RBMS3: variants seen among roughly 807,000 people sequenced by gnomAD.
RBMS3 encodes the protein RNA binding motif single stranded interacting protein 3, also known as RNA-binding motif, single-stranded-interacting protein 3.
RBMS3 carries 27 observed loss-of-function variants against 66.8 expected under a neutral mutation model. The ratio of observed to expected loss-of-function variants is 0.40; its 90% CI spans 0.30 to 0.56. RBMS3 has a LOEUF of 0.56. Among genes scored for constraint, RBMS3 ranks in the 20% least tolerant of loss-of-function variants. The probability of loss-of-function intolerance (pLI) is 0.40; values close to 1 mark genes in which losing one functional copy is unlikely to be tolerated. For missense variants in RBMS3, 513 were observed against 549.5 expected (o/e 0.93, Z 0.66); for synonymous variants, 188 against 183.0 (o/e 1.03, Z -0.22).
At position 29,300,942 on chromosome 3, in the gene RBMS3, A is replaced by G. The variant is rs144336797; in HGVS notation, c.75+19186A>G. 4.6e-5 allele frequency among the ~76,000 whole-genome samples: 7 copies of G among 152,136 alleles called. No homozygotes were observed. The East Asian group carries it at 1.4e-3, about 30-fold the overall frequency. On this transcript the variant is annotated intron_variant, in intron 1 of 14. Transcript: ENST00000383767. ...CATTTAGGAAATCAAGGTAACCCTG[A>G]GTAAGTATAGATAGGGAAGCACAAA...
intron 6 of RBMS3, among the ~76,000 whole-genome samples, chr3:29,812,588 T>A (rs192198321): frequency 3.9e-5 from 6 of 152,302 alleles, no homozygotes; most frequent in Non-Finnish European, 7.4e-5. Flanking sequence ...TGTGTTGGGA[T>A]CCAGTCTGCC....
intron 7 of RBMS3, among the ~76,000 whole-genome samples, chr3:29,883,921 C>A (rs2059795698): frequency 6.6e-6 from 1 of 151,916 alleles, no homozygotes; most frequent in Non-Finnish European, 1.5e-5. Context: ...TGGAAATCAT[C>A]CAAGCTGCAT....
chr3:29,287,524 A>G (rs1019148953), intron 1 of RBMS3, among the ~76,000 whole-genome samples: 9 of 152,050 alleles, frequency 5.9e-5, no homozygotes, highest in African/African-American at 2.2e-4. Context: ...TGGAAATATG[A>G]TGCTCTTCAG....
At chr3:29,934,553 AG>A (rs2061216429) in intron 10 of RBMS3, among the ~76,000 whole-genome samples, 2 of 152,162 alleles carry the variant, frequency 1.3e-5, no homozygotes, top group South Asian at 4.1e-4. Flanking sequence ...ATTAAGTAAA[AG>A]CTTATCTTAT....
chr3:29,911,031 T>C (rs927497496), intron 10 of RBMS3, among the ~76,000 whole-genome samples: 3 of 152,050 alleles, frequency 2.0e-5, no homozygotes, highest in Non-Finnish European at 4.4e-5. Context: ...TCTAATATGT[T>C]CATCTATGGT....
chr3:29,670,023 T>C (rs935195480), intron 4 of RBMS3, among the ~76,000 whole-genome samples: 3 of 152,364 alleles, frequency 2.0e-5, no homozygotes, highest in Middle Eastern at 3.4e-3. Context: ...TATTAGCTTC[T>C]GATCTCTTTT....
At chr3:29,318,503 C>T (rs2034824439) in intron 1 of RBMS3, among the ~76,000 whole-genome samples, 1 of 151,848 alleles carries the variant, frequency 6.6e-6, no homozygotes, top group Non-Finnish European at 1.5e-5. Context: ...ATGCAAGGTC[C>T]TTACTGTTTT....
At chr3:29,419,377 T>G (rs2040610236) in intron 1 of RBMS3, among the ~76,000 whole-genome samples, 1 of 152,194 alleles carries the variant, frequency 6.6e-6, no homozygotes, top group Admixed American at 6.5e-5. Context: ...ATATTATCAT[T>G]GAATTTATCT....
At chr3:29,674,414 C>A (rs188587906) in intron 4 of RBMS3, among the ~76,000 whole-genome samples, 9 of 151,996 alleles carry the variant, frequency 5.9e-5, no homozygotes, top group Non-Finnish European at 1.3e-4. Flanking sequence ...GGTAATCAGG[C>A]GGGAGAAAGA....
chr3:30,003,306 G>A (rs944378958), intron 14 of RBMS3, among the ~76,000 whole-genome samples: 10 of 151,890 alleles, frequency 6.6e-5, no homozygotes, highest in African/African-American at 2.4e-4. Flanking sequence ...CTGCCTAAAG[G>A]GTAAAGGGTA....
At chr3:29,431,296 C>CTTTTTT (rs1375213536) in intron 1 of RBMS3, among the ~76,000 whole-genome samples, 6 of 94,762 alleles carry the variant, frequency 6.3e-5, no homozygotes, top group East Asian at 3.9e-4. Flanking sequence ...TTTCTTTTTC[C>CTTTTTT]TTTTCTTTTT....
At chr3:29,411,393 T>TA (rs1038159459) in intron 1 of RBMS3, among the ~76,000 whole-genome samples, 8 of 152,198 alleles carry the variant, frequency 5.3e-5, no homozygotes, top group Non-Finnish European at 1.2e-4. Context: ...AAACAATGTA[T>TA]AAAGACATCT....
At chr3:29,913,277 C>A (rs894132253) in intron 10 of RBMS3, among the ~76,000 whole-genome samples, 8 of 151,898 alleles carry the variant, frequency 5.3e-5, no homozygotes, top group African/African-American at 1.9e-4. Context: ...TTCTATCTTA[C>A]AATAATTACT....
chr3:29,398,091 T>C (rs1261084559), intron 1 of RBMS3, among the ~76,000 whole-genome samples: 2 of 152,172 alleles, frequency 1.3e-5, no homozygotes, highest in Non-Finnish European at 2.9e-5. Context: ...CCCAGATTCC[T>C]TCTTTACAAC....
At chr3:29,902,389 A>G (rs1358315984) in intron 10 of RBMS3, among the ~76,000 whole-genome samples, 2 of 151,860 alleles carry the variant, frequency 1.3e-5, no homozygotes, top group African/African-American at 2.4e-5. Context: ...AGTTGAAAGT[A>G]AGCAACTTTG....
chr3:29,617,634 T>C (rs2048715236), intron 4 of RBMS3, among the ~76,000 whole-genome samples: 1 of 152,214 alleles, frequency 6.6e-6, no homozygotes, highest in Non-Finnish European at 1.5e-5. Flanking sequence ...AATCCCATGA[T>C]GTTCCAGGCA....
chr3:29,481,794 T>G (rs925508591), intron 2 of RBMS3, among the ~76,000 whole-genome samples: 10 of 152,166 alleles, frequency 6.6e-5, no homozygotes, highest in Non-Finnish European at 1.2e-4. Flanking sequence ...TATCAAATGG[T>G]CATTAGATAC....
At chr3:29,921,217 C>A (rs2060769983) in intron 10 of RBMS3, among the ~76,000 whole-genome samples, 1 of 151,880 alleles carries the variant, frequency 6.6e-6, no homozygotes, top group African/African-American at 2.4e-5. Context: ...CGCCCGCCAC[C>A]ACGCCTGGCT....
chr3:29,449,267 G>GTA (rs892345211), intron 2 of RBMS3, among the ~76,000 whole-genome samples: 14 of 152,222 alleles, frequency 9.2e-5, no homozygotes, highest in Admixed American at 5.9e-4. Context: ...ATAGTGTTAT[G>GTA]TCTAGTTTGG....
Sources: allele counts gnomAD v4.1 joint callset (sites outside exome capture counted in the v4.1 genomes callset), GRCh38; gene constraint gnomAD v4.1.1; transcripts MANE v1.5; gene names NCBI Gene and HGNC (gene_info 2026-07-23, HGNC 2026-07-21).